The following SGCZ variants were observed in gnomAD, a reference collection of about 807,000 sequenced individuals.
The protein encoded by SGCZ is zeta-sarcoglycan.
In SGCZ, 40 loss-of-function variants were observed where a neutral mutation model predicts 41.3. That is an observed-to-expected ratio of 0.97 (90% CI 0.75 to 1.26). SGCZ has a LOEUF of 1.26. SGCZ is among the 50% of genes most tolerant of loss of function. The pLI, the probability that SGCZ is intolerant of heterozygous loss-of-function variation, is 0.00. For synonymous variants in SGCZ, 206 were observed against 137.5 expected (o/e 1.50, Z -3.49); for missense variants, 552 against 369.8 (o/e 1.49, Z -4.04).
At chr8:14,746,838 A>T (rs893270751) in intron 1 of SGCZ, among the ~76,000 whole-genome samples, 30 of 152,296 alleles carry the variant, frequency 2.0e-4, no homozygotes, top group African/African-American at 6.5e-4. Context: ...AATTCAATGT[A>T]TACAGACGTA....
chr8:14,750,297 T>G (rs1221574800), intron 1 of SGCZ, among the ~76,000 whole-genome samples: 1 of 152,154 alleles, frequency 6.6e-6, no homozygotes, highest in East Asian at 1.9e-4. Flanking sequence ...TGGGATGGCA[T>G]CTAAAGGTTT....
intron 1 of SGCZ, among the ~76,000 whole-genome samples, chr8:14,826,211 G>A (rs1354755391): frequency 2.0e-5 from 3 of 151,318 alleles, no homozygotes; most frequent in Admixed American, 6.6e-5. Flanking sequence ...GCGATAGTTT[G>A]CTGAGAATGA....
At chr8:15,212,680 C>T (rs1038818675) in intron 1 of SGCZ, among the ~76,000 whole-genome samples, 1 of 152,012 alleles carries the variant, frequency 6.6e-6, no homozygotes, top group Non-Finnish European at 1.5e-5. Flanking sequence ...ACTGTTTTGG[C>T]ATCTTAGTTA....
chr8:14,338,400 CA>C (rs1340707726), intron 2 of SGCZ, among the ~76,000 whole-genome samples: 3 of 152,028 alleles, frequency 2.0e-5, no homozygotes, highest in Non-Finnish European at 2.9e-5. Context: ...TGTAACTGAC[CA>C]AAAATGTGAG....
At chr8:14,188,824 G>GTTTT (rs145555540) in intron 4 of SGCZ, among the ~76,000 whole-genome samples, 23 of 62,382 alleles carry the variant, frequency 3.7e-4, no homozygotes, top group African/African-American at 6.1e-4. Context: ...TTGTTTCTTT[G>GTTTT]TTTTTTTTTG....
At chr8:14,827,568 T>C (rs894958467) in intron 1 of SGCZ, among the ~76,000 whole-genome samples, 2 of 152,064 alleles carry the variant, frequency 1.3e-5, no homozygotes, top group Non-Finnish European at 2.9e-5. Flanking sequence ...ACAGAGTCAA[T>C]GTGGGAAGGA....
intron 1 of SGCZ, among the ~76,000 whole-genome samples, chr8:14,858,856 G>A (rs575738299): frequency 4.6e-5 from 7 of 152,056 alleles, no homozygotes; most frequent in Non-Finnish European, 1.0e-4. Flanking sequence ...TTTATATCAA[G>A]TATTTGTTGA....
rs139181163 is a variant in SGCZ, at chr8:14,801,298, T to C, written c.40-246372A>G. On this transcript the variant is annotated intron_variant, in intron 1 of 7. Coordinates refer to ENST00000382080, the MANE Select transcript of SGCZ (RefSeq NM_139167.4). ...ATATGCATATGCTACTGGCATTTCA[T>C]TGATATTTGAATATGTAATCTCATT... 3.2e-3 allele frequency among the ~76,000 whole-genome samples: 490 copies of C among 152,342 alleles called. 1 individual carries two copies. Among genetic ancestry groups the C allele is most frequent in the African/African-American group, 0.01 (429 of 41,584 alleles).
chr8:14,352,845 C>A (rs953483272), intron 2 of SGCZ, among the ~76,000 whole-genome samples: 1 of 152,048 alleles, frequency 6.6e-6, no homozygotes, highest in Admixed American at 6.6e-5. Context: ...TTTTAGGTGT[C>A]TTTTAACACC....
At chr8:14,981,533 T>A (rs1488123459) in intron 1 of SGCZ, among the ~76,000 whole-genome samples, 1 of 152,206 alleles carries the variant, frequency 6.6e-6, no homozygotes, top group Non-Finnish European at 1.5e-5. Context: ...TGAAATTTCC[T>A]TAACCATTTA....
At chr8:14,741,246 T>A (rs1018267369) in intron 1 of SGCZ, among the ~76,000 whole-genome samples, 4 of 152,028 alleles carry the variant, frequency 2.6e-5, no homozygotes, top group Admixed American at 2.6e-4. Flanking sequence ...CACCCTGTAT[T>A]TTGGAGCAAT....
chr8:14,347,908 C>G (rs1283053102), intron 2 of SGCZ, among the ~76,000 whole-genome samples: 1 of 152,108 alleles, frequency 6.6e-6, no homozygotes, highest in Non-Finnish European at 1.5e-5. Flanking sequence ...GATTTTAAAA[C>G]TTTATTTTCT....
chr8:15,209,513 A>T (rs987786219), intron 1 of SGCZ, among the ~76,000 whole-genome samples: 4 of 141,934 alleles, frequency 2.8e-5, no homozygotes, highest in African/African-American at 1.0e-4. Flanking sequence ...AGTGGCTTTC[A>T]GCTTGTGTTA....
intron 1 of SGCZ, among the ~76,000 whole-genome samples, chr8:14,794,912 T>A (rs964513218): frequency 2.0e-5 from 3 of 152,148 alleles, no homozygotes; most frequent in African/African-American, 7.2e-5. Context: ...AAAATAACTG[T>A]CAATGAAGAA....
chr8:14,777,524 C>G (rs1754177899), intron 1 of SGCZ, among the ~76,000 whole-genome samples: 1 of 152,148 alleles, frequency 6.6e-6, no homozygotes, highest in African/African-American at 2.4e-5. Context: ...GATCCAATCA[C>G]AGACTGTATA....
At chr8:14,322,403 G>A (rs780084875) in intron 3 of SGCZ, among the ~76,000 whole-genome samples, 1 of 152,030 alleles carries the variant, frequency 6.6e-6, no homozygotes, top group Non-Finnish European at 1.5e-5. Context: ...TGGAAACTAG[G>A]AAGCGCAAGT....
intron 1 of SGCZ, among the ~76,000 whole-genome samples, chr8:14,874,799 G>C (rs1172036615): frequency 6.6e-6 from 1 of 152,088 alleles, no homozygotes; most frequent in Admixed American, 6.6e-5. Flanking sequence ...ATTATAACAT[G>C]GCTCCCAAGA....
intron 1 of SGCZ, among the ~76,000 whole-genome samples, chr8:15,050,303 C>A (rs1276455104): frequency 6.6e-6 from 1 of 152,070 alleles, no homozygotes; most frequent in African/African-American, 2.4e-5. Context: ...ATCAAAGATA[C>A]ATGAACTTGT....
intron 4 of SGCZ, among the ~76,000 whole-genome samples, chr8:14,166,603 C>T (rs536993731): frequency 6.6e-6 from 1 of 152,214 alleles, no homozygotes; most frequent in Admixed American, 6.6e-5. Flanking sequence ...AGTTGCTGAG[C>T]ATAATTGATT....
Sources: allele counts gnomAD v4.1 joint callset (sites outside exome capture counted in the v4.1 genomes callset), GRCh38; gene constraint gnomAD v4.1.1; transcripts MANE v1.5; gene names NCBI Gene and HGNC (gene_info 2026-07-23, HGNC 2026-07-21).